KDM5A: variants seen among roughly 807,000 people sequenced by gnomAD.
KDM5A encodes lysine-specific demethylase 5A.
KDM5A carries 42 observed loss-of-function variants against 193.5 expected under a neutral mutation model. The ratio of observed to expected loss-of-function variants is 0.22; its 90% confidence interval spans 0.17 to 0.28. The LOEUF (loss-of-function observed/expected upper bound fraction) is 0.28, where lower values mean the gene tolerates loss of function less well. Among genes scored for constraint, KDM5A ranks in the 10% least tolerant of loss-of-function variants. KDM5A has a pLI of 1.00. For missense variants in KDM5A, 1,692 were observed against 2,055.1 expected (o/e 0.82, Z 3.42); for synonymous variants, 796 against 718.1 (o/e 1.11, Z -1.73).
intron 24 of KDM5A, 155 bp downstream of exon 24, chr12:306,791 T>C (rs1820661785): frequency 1.2e-6 from 1 of 846,694 alleles, no homozygotes; most frequent in Non-Finnish European, 1.9e-6. Flanking sequence ...GTTTTGAGTT[T>C]TGAAAAAATG....
intron 13 of KDM5A, among the ~76,000 whole-genome samples, chr12:331,499 G>A (rs1339597420): frequency 1.3e-5 from 2 of 151,782 alleles, no homozygotes; most frequent in East Asian, 1.9e-4. Context: ...AAGGAAAGAA[G>A]GAAAGCAAAG....
Position 350,328 on chromosome 12 carries a change from C to T in KDM5A, c.1308+293G>A, listed in dbSNP as rs540304115. 2.7e-5 allele frequency among the ~76,000 whole-genome samples: 4 copies of T among 147,510 alleles called. No homozygotes were observed. The South Asian group carries it at 6.4e-4, about 24-fold the overall frequency. ...GCGGGTGCCTGTAATACCAGCTACT[C>T]GGAAGGCTGAGGCAAGAGAATTGCT... On this transcript the variant is annotated intron_variant, in intron 10 of 27. Coordinates refer to ENST00000399788, the MANE Select transcript of KDM5A (RefSeq NM_001042603.3).
intron 3 of KDM5A, among the ~76,000 whole-genome samples, chr12:375,567 TCTCAA>T (rs1346987558): frequency 2.0e-5 from 3 of 152,264 alleles, no homozygotes; most frequent in African/African-American, 7.2e-5. Context: ...AGCCTTCTTC[TCTCAA>T]CTCATCAAAG....
chr12:380,564 A>G (rs1944561363), intron 3 of KDM5A, among the ~76,000 whole-genome samples: 1 of 152,018 alleles, frequency 6.6e-6, no homozygotes, highest in African/African-American at 2.4e-5. Context: ...TAAAAATATA[A>G]AAATTAGCTG....
chr12:325,241 T>G (rs1391096763), intron 14 of KDM5A, among the ~76,000 whole-genome samples: 1 of 152,226 alleles, frequency 6.6e-6, no homozygotes, highest in African/African-American at 2.4e-5. Context: ...TTATAAGAAT[T>G]TACTCAGCTT....
chr12:310,777 G>GT, intron 21 of KDM5A, 108 bp downstream of exon 21: 1 of 1,222,236 alleles, frequency 8.2e-7, no homozygotes, highest in South Asian at 1.2e-5. Flanking sequence ...ATATTACCTA[G>GT]TAAGAATCAC....
At position 350,684 on chromosome 12, in the gene KDM5A, T is replaced by G. The variant is rs1243647098; in HGVS notation, c.1245A>C (p.Ser415=). 2 of 1,614,006 alleles carry G rather than the reference T, an allele frequency of 1.2e-6. No homozygotes were observed. The highest frequency in any genetic ancestry group is 2.7e-5 in the African/African-American group (2 of 74,924). ...CCGGAAATCCACTTCCAAAGTCTTT[T>G]GAGGAGATATCTGCTCCATATTCCA... is the stretch of plus-strand genomic sequence containing the variant. ...VIVEYGADIS[S]KDFGSGFPVK... Residue 415 remains serine (S), a synonymous_variant, in exon 10 of 28, where the codon TCA becomes TCC. Transcript: ENST00000399788.
intron 14 of KDM5A, among the ~76,000 whole-genome samples, chr12:327,250 T>C (rs962901765): frequency 3.3e-5 from 5 of 152,198 alleles, no homozygotes; most frequent in Admixed American, 2.6e-4. Context: ...AGGGAAATAA[T>C]GTCCCATTCA....
At position 363,048 on chromosome 12, in the gene KDM5A, A is replaced by C. The variant is rs2137466863; in HGVS notation, c.587T>G (p.Val196Gly). The C allele has an allele frequency of 6.2e-7, 1 of 1,614,002 alleles. No individual in the cohort carries two copies. Among genetic ancestry groups the C allele is most frequent in the Non-Finnish European group, 8.5e-7 (1 of 1,179,880 alleles). Reference protein sequence around the residue: ...LDLKEKVEPEVLSTDTQTSPE... With the variant: ...LDLKEKVEPEGLSTDTQTSPE... ...GGAAGTTTGGGTATCAGTGCTGAGAACCTCAGGCTCCACTTTTTCTTTAAG... is the reference window on the plus strand; with the variant it reads ...GGAAGTTTGGGTATCAGTGCTGAGACCCTCAGGCTCCACTTTTTCTTTAAG... The change falls in exon 5 of 28, where the codon GTT becomes GGT. Residue 196 changes from valine (V) to glycine (G), a missense_variant. Physicochemically the swap from Val to Gly is moderately radical, Grantham distance 109. Transcript: ENST00000399788.
At chr12:298,638 T>C (rs546962577) in intron 24 of KDM5A, among the ~76,000 whole-genome samples, 2 of 152,240 alleles carry the variant, frequency 1.3e-5, no homozygotes, top group African/African-American at 4.8e-5. Flanking sequence ...AGAATGCCTC[T>C]TCTCCTCCAG....
At chr12:356,363 G>T in intron 6 of KDM5A, 69 bp downstream of exon 6, 1 of 947,336 alleles carries the variant, frequency 1.1e-6, no homozygotes, top group East Asian at 2.5e-5. Flanking sequence ...TGCAATTCAA[G>T]TATCATTTGA....
At chr12:287,919 T>A (rs770125782) in intron 27 of KDM5A, among the ~76,000 whole-genome samples, 3 of 152,346 alleles carry the variant, frequency 2.0e-5, no homozygotes, top group South Asian at 2.1e-4. Context: ...AATAAGACAA[T>A]ACTTTCCCTT....
chr12:389,069 C>A lies in KDM5A; in HGVS notation c.23G>T (p.Gly8Val). 1.2e-6 allele frequency: 2 copies of A among 1,609,944 alleles called. No homozygotes were observed. Among genetic ancestry groups the A allele is most frequent in the African/African-American group, 1.3e-5 (1 of 74,364 alleles). The change falls in exon 1 of 28, where the codon GGC becomes GTC. Residue 8 changes from glycine (G) to valine (V), a missense_variant. Coordinates refer to ENST00000399788, the MANE Select transcript of KDM5A (RefSeq NM_001042603.3). MAGVGPG[G>V]YAAEFVPPPE... is the part of the protein sequence containing the mutation. ...CGGTGGCACGAACTCCGCCGCGTAG[C>A]CCCCCGGCCCCACGCCCGCCATTGC... is the stretch of plus-strand genomic sequence containing the variant.
chr12:376,086 A>G (rs1018484362), intron 3 of KDM5A, among the ~76,000 whole-genome samples: 4 of 152,150 alleles, frequency 2.6e-5, no homozygotes, highest in African/African-American at 9.7e-5. Flanking sequence ...ATGCTGGGAG[A>G]ACCACTGCTC....
chr12:310,936 T>C lies in KDM5A; in HGVS notation c.3165A>G (p.Glu1055=). 1 of 1,614,250 alleles carries C rather than the reference T, an allele frequency of 6.2e-7. No homozygotes were observed. The highest frequency in any genetic ancestry group is 2.2e-5 in the East Asian group (1 of 44,886). ...TCTTAAGAAACGTCCGCCCAGTCCG[T>C]TCTCTCCATGCCCGTGCTGCTGCTA... is the stretch of plus-strand genomic sequence containing the variant. ...SQVAAARAWR[E]RTGRTFLKKN... The change falls in exon 21 of 28, where the codon GAA becomes GAG. Residue 1055 remains glutamate (E), a synonymous_variant. Transcript: ENST00000399788.
intron 27 of KDM5A, chr12:286,201 C>A (rs1445175631): frequency 2.0e-6 from 1 of 503,492 alleles, no homozygotes; most frequent in Non-Finnish European, 4.1e-6. Context: ...GTTACAAATA[C>A]AACTCCCTAT....
chr12:386,211 C>T (rs1944635400), intron 1 of KDM5A, among the ~76,000 whole-genome samples: 1 of 152,074 alleles, frequency 6.6e-6, no homozygotes, highest in African/African-American at 2.4e-5. Context: ...CAGATTTTTC[C>T]ATATTTTGGA....
At chr12:347,724 A>C (rs145114535) in intron 10 of KDM5A, among the ~76,000 whole-genome samples, 1,638 of 152,312 alleles carry the variant, frequency 0.011, 14 homozygotes, top group Middle Eastern at 0.027. Flanking sequence ...AGAAAGCTGA[A>C]ACTGGATCCC....
chr12:346,894 T>C (rs1410343005), intron 10 of KDM5A, among the ~76,000 whole-genome samples: 4 of 152,220 alleles, frequency 2.6e-5, no homozygotes, highest in South Asian at 4.2e-4. Context: ...CTATTCAACA[T>C]AGTGTTGGAA....
Sources: gnomAD v4.1 joint callset for allele counts (sites outside exome capture counted in the v4.1 genomes callset) on GRCh38, gnomAD v4.1.1 for gene constraint, MANE v1.5 for transcripts, NCBI Gene and HGNC (gene_info 2026-07-23, HGNC 2026-07-21) for gene names.